The following OLFM3 variants were observed in gnomAD, a reference collection of about 807,000 sequenced individuals.
OLFM3 encodes noelin-3.
OLFM3 carries 20 observed loss-of-function variants against 48.6 expected under a neutral mutation model. That is an observed-to-expected ratio of 0.41 (90% CI 0.29 to 0.60). OLFM3 has a LOEUF of 0.60. Ranked by LOEUF, OLFM3 falls within the 20% of genes least tolerant of loss-of-function variation. The pLI is 0.28. For missense variants in OLFM3, 437 were observed against 544.3 expected, an observed-to-expected ratio of 0.80 and a Z score of 1.96; for synonymous variants, 222 against 198.1, an observed-to-expected ratio of 1.12 and a Z score of -1.01.
At chr1:101,835,912 A>C (rs985058931) in intron 2 of OLFM3, among the ~76,000 whole-genome samples, 2 of 152,220 alleles carry the variant, frequency 1.3e-5, no homozygotes, top group African/African-American at 2.4e-5. Context: ...CAGTGGAAGA[A>C]AGTCACCATG....
chr1:101,824,902 T>C (rs1654784266), intron 4 of OLFM3, 124 bp downstream of exon 4: 3 of 815,306 alleles, frequency 3.7e-6, no homozygotes, highest in South Asian at 1.8e-5. Flanking sequence ...ACTTCACACT[T>C]AGAAAATGGG....
intron 1 of OLFM3, among the ~76,000 whole-genome samples, chr1:101,916,905 G>C (rs929213262): frequency 6.6e-6 from 1 of 152,122 alleles, no homozygotes; most frequent in African/African-American, 2.4e-5. Context: ...TCAGAGTTCT[G>C]AACAGGATAA....
chr1:101,822,828 C>G (rs771904957), intron 4 of OLFM3, among the ~76,000 whole-genome samples: 2 of 151,792 alleles, frequency 1.3e-5, no homozygotes, highest in Non-Finnish European at 2.9e-5. Context: ...CAATGTTTAC[C>G]TATTGTATAT....
intron 2 of OLFM3, among the ~76,000 whole-genome samples, chr1:101,834,033 A>G (rs961142159): frequency 6.6e-6 from 1 of 152,214 alleles, no homozygotes; most frequent in Non-Finnish European, 1.5e-5. Flanking sequence ...TTTTTAGGTG[A>G]GCAATTTTAG....
intron 1 of OLFM3, among the ~76,000 whole-genome samples, chr1:101,882,128 A>G (rs1045731579): frequency 1.3e-5 from 2 of 151,074 alleles, no homozygotes; most frequent in Non-Finnish European, 3.0e-5. Flanking sequence ...CACACACGAC[A>G]TTCATTTGAT....
At chr1:101,991,047 T>G (rs34546425) in intron 1 of OLFM3, among the ~76,000 whole-genome samples, 2 of 107,132 alleles carry the variant, frequency 1.9e-5, no homozygotes, top group Admixed American at 1.0e-4. Flanking sequence ...ATATACTTCG[T>G]GGTTTTTGAT....
intron 1 of OLFM3, among the ~76,000 whole-genome samples, chr1:101,909,006 G>A (rs1658652289): frequency 6.6e-6 from 1 of 152,208 alleles, no homozygotes; most frequent in Non-Finnish European, 1.5e-5. Context: ...GTCACAGGAA[G>A]TGAACATACA....
chr1:101,941,402 C>T (rs1364050530), intron 1 of OLFM3, among the ~76,000 whole-genome samples: 1 of 152,068 alleles, frequency 6.6e-6, no homozygotes, highest in African/African-American at 2.4e-5. Context: ...TCCCAGGGGT[C>T]TCCTGGCAAT....
At chr1:101,896,056 G>A (rs1034707796) in intron 1 of OLFM3, among the ~76,000 whole-genome samples, 3 of 151,116 alleles carry the variant, frequency 2.0e-5, no homozygotes, top group African/African-American at 4.9e-5. Context: ...AAATATACAC[G>A]TACAAAGATA....
At chr1:101,899,069 C>G (rs113290320) in intron 1 of OLFM3, among the ~76,000 whole-genome samples, 3 of 152,144 alleles carry the variant, frequency 2.0e-5, no homozygotes, top group Admixed American at 2.0e-4. Context: ...TCACAGTTTC[C>G]GTGCCAGGAA....
chr1:101,849,365 C>A (rs1346811901), intron 1 of OLFM3, among the ~76,000 whole-genome samples: 1 of 152,156 alleles, frequency 6.6e-6, no homozygotes. Flanking sequence ...GCAAGCAACC[C>A]AGTAGTTGCA....
At chr1:101,899,949 C>T (rs753671988) in intron 1 of OLFM3, among the ~76,000 whole-genome samples, 1 of 151,986 alleles carries the variant, frequency 6.6e-6, no homozygotes, top group Non-Finnish European at 1.5e-5. Context: ...ATTTTAACTT[C>T]TTAAGGAACC....
chr1:101,981,060 C>G (rs1020755402), intron 1 of OLFM3, among the ~76,000 whole-genome samples: 2 of 152,138 alleles, frequency 1.3e-5, no homozygotes, highest in Non-Finnish European at 2.9e-5. Flanking sequence ...TCAGCTGCCC[C>G]GAAAGAATTC....
At chr1:101,925,313 T>C (rs1350405765) in intron 1 of OLFM3, among the ~76,000 whole-genome samples, 6 of 152,022 alleles carry the variant, frequency 3.9e-5, no homozygotes, top group Admixed American at 3.9e-4. Context: ...CATTGATCTA[T>C]ATTACATTGG....
chr1:101,975,110 C>A (rs1660916521), intron 1 of OLFM3, among the ~76,000 whole-genome samples: 1 of 152,116 alleles, frequency 6.6e-6, no homozygotes, highest in African/African-American at 2.4e-5. Flanking sequence ...TATCCCTGCT[C>A]CACAGGAAGC....
At chr1:101,881,770 T>A (rs1288745895) in intron 1 of OLFM3, among the ~76,000 whole-genome samples, 1 of 151,306 alleles carries the variant, frequency 6.6e-6, no homozygotes, top group Non-Finnish European at 1.5e-5. Context: ...TCCTCCTGAG[T>A]TATTTTGAAG....
intron 1 of OLFM3, among the ~76,000 whole-genome samples, chr1:101,951,348 A>G (rs1016942275): frequency 4.6e-5 from 7 of 152,178 alleles, no homozygotes; most frequent in African/African-American, 1.4e-4. Flanking sequence ...ATCAACCTAC[A>G]TTTTTGGCAA....
rs139418196 is a variant in OLFM3, at chr1:101,870,505, C to T, written c.70-33480G>A. Among the ~76,000 whole-genome samples, 13 of 152,248 alleles carry T rather than the reference C, an allele frequency of 8.5e-5. No homozygotes were observed. In the East Asian group the frequency reaches 2.1e-3, roughly 25 times the overall value. On this transcript the variant is annotated intron_variant, in intron 1 of 5. Coordinates refer to ENST00000370103, the MANE Select transcript of OLFM3 (RefSeq NM_058170.4). ...TGAGATTCCTAACTTTTCATAACAC[C>T]TTTTCAATCTTTGTCTAGCTTTCCA...
At chr1:101,869,796 T>C (rs1314200816) in intron 1 of OLFM3, among the ~76,000 whole-genome samples, 2 of 152,180 alleles carry the variant, frequency 1.3e-5, no homozygotes, top group Non-Finnish European at 2.9e-5. Flanking sequence ...CGATATCTGA[T>C]GGTTTTGTAA....
Sources: gnomAD v4.1 joint callset for allele counts (sites outside exome capture counted in the v4.1 genomes callset) on GRCh38, gnomAD v4.1.1 for gene constraint, MANE v1.5 for transcripts, NCBI Gene and HGNC (gene_info 2026-07-23, HGNC 2026-07-21) for gene names.